ERC2: variants seen among roughly 807,000 people sequenced by gnomAD.
ERC2 encodes the protein ERC protein 2.
ERC2 carries 42 observed loss-of-function variants against 114.8 expected under a neutral mutation model. The observed-to-expected ratio is 0.37, with a 90% CI of 0.29 to 0.47. The LOEUF (loss-of-function observed/expected upper bound fraction) is 0.47. ERC2 is among the 20% of genes least tolerant of loss of function. ERC2 has a pLI of 0.99. For synonymous variants in ERC2, 454 were observed against 425.5 expected (o/e 1.07, Z -0.82); for missense variants, 939 against 1,150.7 (o/e 0.82, Z 2.66).
intron 17 of ERC2, among the ~76,000 whole-genome samples, chr3:55,675,899 C>CTTTTTTTTTTTTTTTTTTTTTTT (rs2061771739): frequency 1.7e-5 from 1 of 58,122 alleles, no homozygotes; most frequent in Non-Finnish European, 3.2e-5. Flanking sequence ...TTTCTCTTTT[C>CTTTTTTTTTTTTTTTTTTTTTTT]TTTCTTTTTT....
chr3:55,802,614 C>G (rs559671623), intron 14 of ERC2, among the ~76,000 whole-genome samples: 2 of 152,228 alleles, frequency 1.3e-5, no homozygotes, highest in African/African-American at 4.8e-5. Context: ...TCATGGTTAC[C>G]TACAAAAGTT....
chr3:56,396,553 T>C (rs771781969), intron 2 of ERC2, among the ~76,000 whole-genome samples: 9 of 152,222 alleles, frequency 5.9e-5, no homozygotes, highest in Non-Finnish European at 1.2e-4. Context: ...TTTAGTAGTA[T>C]GTGCTCACAA....
chr3:55,770,653 A>T (rs981611397), intron 14 of ERC2, among the ~76,000 whole-genome samples: 2 of 152,120 alleles, frequency 1.3e-5, no homozygotes, highest in Non-Finnish European at 2.9e-5. Context: ...AAGTTCTGGG[A>T]TACATGTGCA....
intron 17 of ERC2, among the ~76,000 whole-genome samples, chr3:55,634,057 G>C (rs1017033007): frequency 2.0e-5 from 3 of 152,180 alleles, no homozygotes; most frequent in African/African-American, 7.2e-5. Context: ...ATCAAATGCA[G>C]CAGAGACCTC....
chr3:55,582,250 G>C (rs879890116), intron 17 of ERC2, among the ~76,000 whole-genome samples: 2 of 152,178 alleles, frequency 1.3e-5, no homozygotes, highest in Non-Finnish European at 2.9e-5. Flanking sequence ...AGCTTTCTCT[G>C]CTAGAATTTA....
At chr3:56,107,772 C>T (rs1365066510) in intron 6 of ERC2, among the ~76,000 whole-genome samples, 2 of 152,210 alleles carry the variant, frequency 1.3e-5, no homozygotes, top group Non-Finnish European at 2.9e-5. Flanking sequence ...AAATGTGAGA[C>T]ATGACCCCAT....
At chr3:56,252,559 A>G (rs930425800) in intron 3 of ERC2, among the ~76,000 whole-genome samples, 9 of 152,110 alleles carry the variant, frequency 5.9e-5, no homozygotes, top group African/African-American at 1.9e-4. Flanking sequence ...GTTTGAGACC[A>G]GCCTGGCCAA....
intron 3 of ERC2, among the ~76,000 whole-genome samples, chr3:56,279,496 C>T (rs1460441092): frequency 1.3e-5 from 2 of 152,142 alleles, no homozygotes; most frequent in Non-Finnish European, 2.9e-5. Flanking sequence ...GAAGCCCCAG[C>T]AGTGGGGGAG....
chr3:56,289,206 C>T (rs1476762613), intron 3 of ERC2, among the ~76,000 whole-genome samples: 1 of 152,166 alleles, frequency 6.6e-6, no homozygotes, highest in Non-Finnish European at 1.5e-5. Flanking sequence ...TGCCTGCACA[C>T]AGGTCTACAG....
chr3:56,060,983 T>A (rs2076221533), intron 7 of ERC2, among the ~76,000 whole-genome samples: 2 of 152,220 alleles, frequency 1.3e-5, no homozygotes, highest in South Asian at 4.1e-4. Flanking sequence ...TCTCGTAAAT[T>A]TTTTATTAAT....
At chr3:56,444,615 A>G (rs113843135) in intron 1 of ERC2, among the ~76,000 whole-genome samples, 2,752 of 152,336 alleles carry the variant, frequency 0.018, 37 homozygotes, top group Middle Eastern at 0.041. Flanking sequence ...ATAAGCTCAG[A>G]AGGGAAAAAG....
chr3:56,390,471 G>A (rs926958867), intron 2 of ERC2, among the ~76,000 whole-genome samples: 1 of 152,134 alleles, frequency 6.6e-6, no homozygotes, highest in Non-Finnish European at 1.5e-5. Flanking sequence ...AAAAAAGGGC[G>A]GCAAAGGAGA....
intron 17 of ERC2, among the ~76,000 whole-genome samples, chr3:55,512,397 T>A (rs1471573517): frequency 2.0e-5 from 3 of 152,222 alleles, no homozygotes; most frequent in Non-Finnish European, 4.4e-5. Flanking sequence ...ATATTACTCA[T>A]TCTGGCACAT....
At chr3:56,123,357 G>A (rs2149864934) in intron 6 of ERC2, among the ~76,000 whole-genome samples, 1 of 152,080 alleles carries the variant, frequency 6.6e-6, no homozygotes, top group East Asian at 1.9e-4. Context: ...GCAAGAAGGT[G>A]CCATCTGTGA....
intron 14 of ERC2, among the ~76,000 whole-genome samples, chr3:55,785,441 C>G (rs1170970982): frequency 6.6e-6 from 1 of 152,162 alleles, no homozygotes; most frequent in Non-Finnish European, 1.5e-5. Context: ...TAATTTTGAG[C>G]CTGTTTCTTC....
chr3:55,874,371 A>G (rs1326854496), intron 14 of ERC2, among the ~76,000 whole-genome samples: 1 of 152,130 alleles, frequency 6.6e-6, no homozygotes, highest in Non-Finnish European at 1.5e-5. Context: ...CTCCAGCCCC[A>G]CATCTTTCTA....
intron 13 of ERC2, among the ~76,000 whole-genome samples, chr3:55,941,366 C>CA (rs1300706657): frequency 1.3e-5 from 2 of 152,152 alleles, no homozygotes; most frequent in African/African-American, 4.8e-5. Context: ...TGAGAGCTGC[C>CA]TTGTCTAAGA....
At chr3:56,209,722 T>C (rs957806743) in intron 3 of ERC2, among the ~76,000 whole-genome samples, 1 of 152,226 alleles carries the variant, frequency 6.6e-6, no homozygotes, top group Non-Finnish European at 1.5e-5. Context: ...TGACTCTTAA[T>C]TACAGAGAAT....
intron 14 of ERC2, among the ~76,000 whole-genome samples, chr3:55,842,915 G>T (rs890930036): frequency 1.3e-5 from 2 of 152,088 alleles, no homozygotes; most frequent in African/African-American, 2.4e-5. Context: ...AGGACAAGGA[G>T]TGTGTGAGAG....
Sources: allele counts gnomAD v4.1 joint callset (sites outside exome capture counted in the v4.1 genomes callset), GRCh38; gene constraint gnomAD v4.1.1; transcripts MANE v1.5; gene names NCBI Gene and HGNC (gene_info 2026-07-23, HGNC 2026-07-21).